MGAT4C: variants seen among roughly 807,000 people sequenced by gnomAD.
MGAT4C encodes the protein MGAT4 family member C.
In MGAT4C, 19 loss-of-function variants were observed where a neutral mutation model predicts 40.1. That is an observed-to-expected ratio of 0.47 (90% CI 0.33 to 0.70). The LOEUF (loss-of-function observed/expected upper bound fraction) is 0.70. Among genes scored for constraint, MGAT4C ranks in the 30% least tolerant of loss-of-function variants. The pLI, the probability that MGAT4C is intolerant of heterozygous loss-of-function variation, is 0.02. For missense variants in MGAT4C, 491 were observed against 563.2 expected (o/e 0.87, Z 1.30); for synonymous variants, 181 against 187.1 (o/e 0.97, Z 0.27).
intron 2 of MGAT4C, among the ~76,000 whole-genome samples, chr12:86,685,499 G>T (rs1399598487): frequency 6.6e-6 from 1 of 152,114 alleles, no homozygotes; most frequent in Non-Finnish European, 1.5e-5. Flanking sequence ...GCTTAGGATT[G>T]CCTTGGCTAC....
chr12:86,748,642 A>C (rs2195233), intron 1 of MGAT4C, among the ~76,000 whole-genome samples: 71,774 of 151,310 alleles, frequency 0.47, 17,279 homozygotes, highest in African/African-American at 0.52. Context: ...CAGAGTGTGT[A>C]ATATCATGTA....
At position 86,419,881 on chromosome 12, in the gene MGAT4C, T is replaced by C. The variant is rs564381185; in HGVS notation, c.-120+15276A>G. Among the ~76,000 whole-genome samples the C allele has an allele frequency of 1.9e-3, 291 of 152,284 alleles. 1 individual carries two copies. Among genetic ancestry groups the C allele is most frequent in the African/African-American group, 6.7e-3 (278 of 41,570 alleles). On this transcript the variant is annotated intron_variant, in intron 3 of 7. Coordinates refer to the MGAT4C transcript ENST00000548651. ...CATAGAAAAAAGCATGGGTAGAAATTACTTTGTATGTTATGTGTTAAGTGC... is the reference window on the plus strand; with the variant it reads ...CATAGAAAAAAGCATGGGTAGAAATCACTTTGTATGTTATGTGTTAAGTGC...
In MGAT4C at chr12:86,802,222, G is replaced by A. The variant is rs193246484; in HGVS notation, c.-262+36444C>T. Among the ~76,000 whole-genome samples, 26 of 152,024 alleles carry A rather than the reference G, an allele frequency of 1.7e-4. No homozygotes were observed. The Admixed American group carries it at 1.7e-3, about 10-fold the overall frequency. On this transcript the variant is annotated intron_variant, in intron 1 of 7. Coordinates refer to the MGAT4C transcript ENST00000548651. ...CCTTAAACTTGCCAGCTTTTTGTCA[G>A]TACCTGGGTTAAATGGGATATCTGC...
At chr12:86,528,497 T>C (rs1255010300) in intron 2 of MGAT4C, among the ~76,000 whole-genome samples, 2 of 152,070 alleles carry the variant, frequency 1.3e-5, no homozygotes, top group Non-Finnish European at 2.9e-5. Flanking sequence ...AAATATACTG[T>C]ATATAAATGT....
chr12:86,714,401 C>T (rs1950608646), intron 2 of MGAT4C, among the ~76,000 whole-genome samples: 1 of 152,050 alleles, frequency 6.6e-6, no homozygotes, highest in Non-Finnish European at 1.5e-5. Flanking sequence ...GCTGTGTCCC[C>T]ACCCAAATCT....
chr12:86,452,360 A>G (rs943008610), intron 2 of MGAT4C, among the ~76,000 whole-genome samples: 1 of 128,604 alleles, frequency 7.8e-6, no homozygotes, highest in African/African-American at 3.0e-5. Flanking sequence ...ACCCTCCCCC[A>G]CCCCACAACA....
rs771893671 is a variant in MGAT4C at position 86,036,236 on chromosome 12, A to AAT, written c.-7+13436_-7+13437dup. Among the ~76,000 whole-genome samples, 33 of 149,852 alleles carry AAT rather than the reference A, an allele frequency of 2.2e-4. 2 individuals carry two copies. The highest frequency in any genetic ancestry group is 3.9e-4 in the Non-Finnish European group (26 of 66,718). ...TGGGCTGAGACGATGGGGTTTTCTA[A>AAT]ATATACAATCATGTCATCTGCAAAC... On this transcript the variant is annotated intron_variant, in intron 2 of 4. Transcript: ENST00000611864.
At chr12:86,185,244 T>C (rs757875869) in intron 1 of MGAT4C, among the ~76,000 whole-genome samples, 8 of 152,188 alleles carry the variant, frequency 5.3e-5, no homozygotes, top group Non-Finnish European at 1.0e-4. Context: ...TCTGTGTAGG[T>C]AGTACAGCTT....
intron 2 of MGAT4C, among the ~76,000 whole-genome samples, chr12:86,487,785 A>G (rs1230556135): frequency 6.6e-6 from 1 of 152,216 alleles, no homozygotes; most frequent in Non-Finnish European, 1.5e-5. Context: ...CAGGAGACTT[A>G]CTTTAGTTGT....
intron 1 of MGAT4C, among the ~76,000 whole-genome samples, chr12:86,206,720 C>T (rs1487820040): frequency 2.6e-5 from 4 of 152,096 alleles, no homozygotes; most frequent in Non-Finnish European, 5.9e-5. Context: ...CTTTCAGAAA[C>T]CTTTATTGAA....
At chr12:86,132,811 A>G (rs927992576) in intron 1 of MGAT4C, among the ~76,000 whole-genome samples, 18 of 151,394 alleles carry the variant, frequency 1.2e-4, no homozygotes, top group African/African-American at 4.3e-4. Flanking sequence ...AAAAAAAAAA[A>G]AAGAAAAAAG....
chr12:86,764,801 C>G (rs537129699), intron 1 of MGAT4C, among the ~76,000 whole-genome samples: 126 of 152,166 alleles, frequency 8.3e-4, no homozygotes, highest in African/African-American at 2.7e-3. Context: ...ATGCAGCTGA[C>G]GGTCCTGTCT....
intron 3 of MGAT4C, among the ~76,000 whole-genome samples, chr12:86,369,765 T>C (rs1418096847): frequency 1.3e-5 from 2 of 152,014 alleles, no homozygotes; most frequent in African/African-American, 4.8e-5. Context: ...TTATTGTTGA[T>C]TTAAAAAGGC....
intron 4 of MGAT4C, among the ~76,000 whole-genome samples, chr12:86,267,917 T>C (rs1197850937): frequency 6.6e-6 from 1 of 152,136 alleles, no homozygotes; most frequent in Admixed American, 6.5e-5. Flanking sequence ...ATTTAATTTT[T>C]CTTACCAAAA....
intron 2 of MGAT4C, among the ~76,000 whole-genome samples, chr12:86,725,497 G>A (rs1228629709): frequency 6.6e-6 from 1 of 151,938 alleles, no homozygotes; most frequent in Admixed American, 6.6e-5. Context: ...GACCTTCTCT[G>A]TCACCCAGGC....
intron 1 of MGAT4C, among the ~76,000 whole-genome samples, chr12:86,785,504 A>G (rs1951916110): frequency 2.0e-5 from 3 of 152,032 alleles, no homozygotes; most frequent in Admixed American, 6.6e-5. Context: ...CATGAAAATT[A>G]TATCTGGGTT....
intron 2 of MGAT4C, among the ~76,000 whole-genome samples, chr12:86,639,473 G>C (rs1165387717): frequency 6.6e-6 from 1 of 151,552 alleles, no homozygotes; most frequent in Non-Finnish European, 1.5e-5. Flanking sequence ...GAAACAAAAA[G>C]TGAGGAAATG....
chr12:86,228,038 T>A (rs574177921), intron 1 of MGAT4C, among the ~76,000 whole-genome samples: 1 of 151,970 alleles, frequency 6.6e-6, no homozygotes, highest in East Asian at 1.9e-4. Context: ...CTTGTATAGC[T>A]TATTCACTTC....
intron 1 of MGAT4C, among the ~76,000 whole-genome samples, chr12:86,744,103 G>A (rs1293686247): frequency 1.3e-5 from 2 of 151,524 alleles, no homozygotes; most frequent in Non-Finnish European, 3.0e-5. Context: ...TTTACAGCGG[G>A]CTGAAGCTGG....
Sources: allele counts gnomAD v4.1 joint callset (sites outside exome capture counted in the v4.1 genomes callset), GRCh38; gene constraint gnomAD v4.1.1; transcripts MANE v1.5; gene names NCBI Gene and HGNC (gene_info 2026-07-23, HGNC 2026-07-21).